The following DNAH14 variants were observed in gnomAD, a reference collection of about 807,000 sequenced individuals.
DNAH14 encodes axonemal beta dynein heavy chain 14.
Under a neutral mutation model 520.9 loss-of-function variants are expected in DNAH14, and 478 were observed. The ratio of observed to expected loss-of-function variants is 0.92; its 90% CI spans 0.85 to 0.99. The LOEUF is 0.99. Ranked by LOEUF, DNAH14 falls within the 50% of genes least tolerant of loss-of-function variation. DNAH14 has a pLI of 0.00. For synonymous variants in DNAH14, 1,581 were observed against 1,757.2 expected (o/e 0.90, Z 2.51); for missense variants, 4,831 against 5,234.5 (o/e 0.92, Z 2.38).
At chr1:225,173,986 T>A (rs184510866) in intron 36 of DNAH14, among the ~76,000 whole-genome samples, 1 of 152,118 alleles carries the variant, frequency 6.6e-6, no homozygotes, top group Non-Finnish European at 1.5e-5. Context: ...CTGGAAACCA[T>A]CATTCTCAGC....
chr1:225,329,833 G>A (rs1234395387), intron 64 of DNAH14, among the ~76,000 whole-genome samples: 3 of 152,056 alleles, frequency 2.0e-5, no homozygotes, highest in Non-Finnish European at 2.9e-5. Flanking sequence ...CTTCTGCACA[G>A]TAAAGGAAAC....
At chr1:225,293,080 A>G (rs543445201) in intron 55 of DNAH14, among the ~76,000 whole-genome samples, 11 of 152,338 alleles carry the variant, frequency 7.2e-5, no homozygotes, top group African/African-American at 2.6e-4. Flanking sequence ...AAAGCTCAAC[A>G]TCACTGATAG....
At chr1:225,375,257 G>C (rs1265926439) in intron 78 of DNAH14, among the ~76,000 whole-genome samples, 3 of 152,172 alleles carry the variant, frequency 2.0e-5, no homozygotes, top group African/African-American at 7.2e-5. Flanking sequence ...CACATCTCTT[G>C]TTTATCCCCT....
intron 23 of DNAH14, among the ~76,000 whole-genome samples, chr1:225,111,420 A>G (rs1414695686): frequency 6.6e-6 from 1 of 152,038 alleles, no homozygotes; most frequent in Non-Finnish European, 1.5e-5. Context: ...TTGTCATGAA[A>G]TCTAATTTGT....
chr1:225,245,492 A>G (rs917102958), intron 43 of DNAH14, among the ~76,000 whole-genome samples: 1 of 152,084 alleles, frequency 6.6e-6, no homozygotes, highest in African/African-American at 2.4e-5. Context: ...TCTCTTCTGC[A>G]AAGTCTCAGG....
At chr1:225,394,727 C>T (rs2150888773) in intron 84 of DNAH14, among the ~76,000 whole-genome samples, 2 of 152,042 alleles carry the variant, frequency 1.3e-5, no homozygotes, top group South Asian at 4.2e-4. Context: ...ATGTGTAATC[C>T]CAGCTACTTG....
intron 1 of DNAH14, among the ~76,000 whole-genome samples, chr1:224,942,565 G>A (rs1344660881): frequency 4.6e-5 from 7 of 150,714 alleles, no homozygotes; most frequent in Admixed American, 3.4e-4. Flanking sequence ...GTGAGAGAGG[G>A]CATCCCTGTC....
chr1:225,169,274 C>T (rs2082352164), intron 36 of DNAH14, among the ~76,000 whole-genome samples: 1 of 152,186 alleles, frequency 6.6e-6, no homozygotes, highest in African/African-American at 2.4e-5. Flanking sequence ...TCCTCACCAG[C>T]AACGGAACAA....
chr1:224,987,118 AAGAGACAGAGACAGAGAC>A (rs58030730), intron 8 of DNAH14, among the ~76,000 whole-genome samples: 8 of 150,082 alleles, frequency 5.3e-5, no homozygotes, highest in African/African-American at 1.2e-4. Context: ...GAGAGAGAGA[AAGAGACAGAGACAGAGAC>A]AGAGACAGAG....
rs543508342 is a variant in DNAH14 at position 225,398,628 on chromosome 1, T to C, written c.13600T>C (p.Cys4534Arg). ...ILEDSLPLEMCCDFPDIYFLP... is the reference protein window; with the variant it reads ...ILEDSLPLEMRCDFPDIYFLP... ...GGAAGACTCGCTGCCTCTGGAGATG[T>C]GCTGTGATTTTCCCGACATATACTT... Residue 4534 changes from cysteine to arginine, a missense_variant, in exon 85 of 86, where the codon TGC becomes CGC. Coordinates refer to ENST00000682510, the MANE Select transcript of DNAH14 (RefSeq NM_001367479.1). 1.2e-5 allele frequency: 19 copies of C among 1,551,742 alleles called. No homozygotes were observed. In the Admixed American group the frequency reaches 2.5e-4, roughly 21 times the overall value.
intron 77 of DNAH14, among the ~76,000 whole-genome samples, chr1:225,368,427 ATGTT>A (rs559141545): frequency 5.7e-4 from 87 of 152,304 alleles, no homozygotes; most frequent in African/African-American, 2.0e-3. Flanking sequence ...TAGTATAAAA[ATGTT>A]TGTTTGTTGG....
chr1:225,032,496 G>A (rs1018366770), intron 11 of DNAH14, among the ~76,000 whole-genome samples: 6 of 152,114 alleles, frequency 3.9e-5, no homozygotes, highest in Non-Finnish European at 8.8e-5. Context: ...GGGCATATAG[G>A]TTGATTCCAT....
chr1:225,131,069 G>C (rs1353313426), intron 27 of DNAH14, among the ~76,000 whole-genome samples: 1 of 152,148 alleles, frequency 6.6e-6, no homozygotes, highest in African/African-American at 2.4e-5. Flanking sequence ...ATTGTAGAAT[G>C]TAGGTGGTGA....
intron 71 of DNAH14, 52 bp from the exon 72 acceptor site, chr1:225,351,595 A>G (rs1222576040): frequency 8.9e-6 from 12 of 1,346,754 alleles, no homozygotes; most frequent in South Asian, 3.1e-5. Flanking sequence ...ATGAATAACT[A>G]AAAGGTAAAG....
chr1:225,378,602 C>A (rs2150729746), intron 79 of DNAH14, among the ~76,000 whole-genome samples: 1 of 152,230 alleles, frequency 6.6e-6, no homozygotes, highest in South Asian at 2.1e-4. Context: ...TCAGTCCTGG[C>A]CGGGCGCGGT....
At chr1:225,186,277 A>G (rs2084721679) in intron 37 of DNAH14, among the ~76,000 whole-genome samples, 1 of 151,800 alleles carries the variant, frequency 6.6e-6, no homozygotes, top group Non-Finnish European at 1.5e-5. Flanking sequence ...GTAGTAGTTC[A>G]TAATCTTTTC....
At position 225,001,738 on chromosome 1, in the gene DNAH14, A is replaced by G. The variant is rs140663228; in HGVS notation, c.831-1045A>G. 6.6e-5 allele frequency among the ~76,000 whole-genome samples: 10 copies of G among 152,282 alleles called. No individual in the cohort carries two copies. The East Asian group carries it at 1.7e-3, about 26-fold the overall frequency. On this transcript the variant is annotated intron_variant, in intron 8 of 85. Transcript: ENST00000682510. ...TATTACCTAAATTTTGATAGTCACC[A>G]TCTTGTTAATAAGTACTGAGATTGT... is the stretch of plus-strand genomic sequence containing the variant.
intron 1 of DNAH14, among the ~76,000 whole-genome samples, chr1:224,943,415 A>T (rs1358369529): frequency 6.6e-6 from 1 of 151,916 alleles, no homozygotes; most frequent in East Asian, 1.9e-4. Flanking sequence ...CTAGCGGTCT[A>T]TCAATTTTGT....
At chr1:224,987,923 G>A (rs112286465) in intron 8 of DNAH14, among the ~76,000 whole-genome samples, 6,339 of 152,230 alleles carry the variant, frequency 0.042, 214 homozygotes, top group Non-Finnish European at 0.061. Flanking sequence ...AAGTTCTGGG[G>A]TACATGTGCA....
Sources: gnomAD v4.1 joint callset for allele counts (sites outside exome capture counted in the v4.1 genomes callset) on GRCh38, gnomAD v4.1.1 for gene constraint, MANE v1.5 for transcripts, NCBI Gene and HGNC (gene_info 2026-07-23, HGNC 2026-07-21) for gene names.